The following SYT1 variants were observed in gnomAD, a reference collection of about 807,000 sequenced individuals.
SYT1 encodes synaptotagmin 1, also known as synaptotagmin-1.
SYT1 carries 8 observed loss-of-function variants against 44.8 expected under a neutral mutation model. The observed-to-expected ratio is 0.18, with a 90% CI of 0.10 to 0.32. The LOEUF (loss-of-function observed/expected upper bound fraction) is 0.32. Among genes scored for constraint, SYT1 ranks in the 10% least tolerant of loss-of-function variants. The pLI is 1.00. For synonymous variants in SYT1, 154 were observed against 188.8 expected, an observed-to-expected ratio of 0.82 and a Z score of 1.51; for missense variants, 286 against 509.3, an observed-to-expected ratio of 0.56 and a Z score of 4.22.
At chr12:79,291,265 T>G (rs1160094106) in intron 5 of SYT1, among the ~76,000 whole-genome samples, 1 of 152,204 alleles carries the variant, frequency 6.6e-6, no homozygotes, top group African/African-American at 2.4e-5. Context: ...ACAAAACGAA[T>G]TCTTATGCCA....
intron 9 of SYT1, among the ~76,000 whole-genome samples, chr12:79,366,708 A>G (rs1883557203): frequency 6.6e-6 from 1 of 152,190 alleles, no homozygotes; most frequent in African/African-American, 2.4e-5. Flanking sequence ...AAACTAGGGT[A>G]TTAGAGACAG....
chr12:79,289,372 A>G (rs1338261612), intron 5 of SYT1, among the ~76,000 whole-genome samples: 1 of 152,208 alleles, frequency 6.6e-6, no homozygotes, highest in East Asian at 1.9e-4. Flanking sequence ...TACTGATTTA[A>G]TAGGTCTGAA....
chr12:78,919,186 A>T lies in SYT1; in HGVS notation c.-217+54077A>T, dbSNP rs186918681. On this transcript the variant is annotated intron_variant, in intron 1 of 10. Transcript: ENST00000261205. ...TTTTGTAATGAAAGTCTGTGTAATT[A>T]AATTTTTTTTAAAAAAAGTTGTGAC... 4.3e-4 allele frequency among the ~76,000 whole-genome samples: 65 copies of T among 152,176 alleles called. No individual in the cohort carries two copies. In the East Asian group the frequency reaches 0.011, roughly 26 times the overall value.
chr12:79,190,999 T>C (rs1468567104), intron 3 of SYT1, among the ~76,000 whole-genome samples: 1 of 152,102 alleles, frequency 6.6e-6, no homozygotes, highest in Non-Finnish European at 1.5e-5. Flanking sequence ...AATGAGATAA[T>C]TAAAATGTGA....
intron 9 of SYT1, among the ~76,000 whole-genome samples, chr12:79,421,407 G>A (rs148937831): frequency 0.018 from 2,687 of 152,134 alleles, 46 homozygotes; most frequent in Non-Finnish European, 0.026. Flanking sequence ...CTTCTGAACT[G>A]TTTGACCATA....
chr12:78,932,386 G>A (rs1037628046), intron 1 of SYT1, among the ~76,000 whole-genome samples: 2 of 151,962 alleles, frequency 1.3e-5, no homozygotes, highest in Non-Finnish European at 2.9e-5. Flanking sequence ...ATCTTTTACT[G>A]GTTTCATAGG....
intron 9 of SYT1, among the ~76,000 whole-genome samples, chr12:79,409,918 T>C (rs1271642982): frequency 6.8e-6 from 1 of 147,376 alleles, no homozygotes; most frequent in Non-Finnish European, 1.5e-5. Flanking sequence ...CACTCTAAAC[T>C]GTTTTTTTTC....
intron 9 of SYT1, among the ~76,000 whole-genome samples, chr12:79,359,755 T>C (rs377439205): frequency 1.3e-4 from 20 of 152,182 alleles, no homozygotes; most frequent in African/African-American, 4.8e-4. Context: ...GGTTTGTCTT[T>C]TCTCTAGCTC....
At chr12:79,175,226 A>G (rs1871785732) in intron 3 of SYT1, among the ~76,000 whole-genome samples, 1 of 152,102 alleles carries the variant, frequency 6.6e-6, no homozygotes, top group Non-Finnish European at 1.5e-5. Flanking sequence ...ATGGAAAATA[A>G]CATCTGCGAC....
chr12:79,077,361 C>T (rs530773133), intron 3 of SYT1, among the ~76,000 whole-genome samples: 1 of 152,054 alleles, frequency 6.6e-6, no homozygotes, highest in East Asian at 1.9e-4. Flanking sequence ...TCACAGTAAC[C>T]ACACAGAGAT....
intron 9 of SYT1, among the ~76,000 whole-genome samples, chr12:79,404,918 T>C (rs1049589910): frequency 6.6e-6 from 1 of 152,170 alleles, no homozygotes; most frequent in Admixed American, 6.6e-5. Flanking sequence ...TGGAGGTTAA[T>C]ACATTAAGGC....
At chr12:79,274,522 C>G (rs1309654401) in intron 4 of SYT1, among the ~76,000 whole-genome samples, 1 of 152,304 alleles carries the variant, frequency 6.6e-6, no homozygotes, top group Middle Eastern at 3.4e-3. Context: ...AGGAAACTTC[C>G]TTTCAACCTC....
At position 79,050,444 on chromosome 12, in the gene SYT1, T is replaced by C. The variant is rs574828327; in HGVS notation, c.-18+3082T>C. Among the ~76,000 whole-genome samples the C allele has an allele frequency of 2.0e-5, 3 of 152,176 alleles. No individual in the cohort carries two copies. The South Asian group carries it at 6.2e-4, about 32-fold the overall frequency. ...GTGTCAACTATAGTCATCTTTCTTT[T>C]GATTGCTGAAGCTCAGTAATACTTT... On this transcript the variant is annotated intron_variant, in intron 3 of 10. Transcript: ENST00000261205.
In SYT1 at chr12:79,353,476, T is replaced by C. The variant is rs911118499; in HGVS notation, c.811-26T>C. On this transcript the variant is annotated intron_variant, in intron 8 of 10. Coordinates refer to ENST00000261205, the MANE Select transcript of SYT1 (RefSeq NM_005639.3). ...TATTTACTTGTATTTGAAAAATTGC[T>C]AATACTTTCTTATTGGTTTTCTTAG... 8 of 1,520,214 alleles carry C rather than the reference T, an allele frequency of 5.3e-6. No individual in the cohort carries two copies. The African/African-American group carries it at 8.2e-5, about 16-fold the overall frequency. The allele number at this position is 1,520,214 out of a possible 1,614,324, so 94.2% of individuals were successfully genotyped here.
At chr12:79,113,206 C>T (rs1185371484) in intron 3 of SYT1, among the ~76,000 whole-genome samples, 1 of 152,102 alleles carries the variant, frequency 6.6e-6, no homozygotes, top group Non-Finnish European at 1.5e-5. Flanking sequence ...GGTGTCAATA[C>T]TGAGTATATT....
At chr12:79,335,453 G>A (rs192198055) in intron 8 of SYT1, among the ~76,000 whole-genome samples, 127 of 149,864 alleles carry the variant, frequency 8.5e-4, no homozygotes, top group African/African-American at 2.9e-3. Context: ...ACACAGGTCC[G>A]TGTTTGAAAA....
chr12:79,052,914 G>A (rs1353173598), intron 3 of SYT1, among the ~76,000 whole-genome samples: 2 of 152,320 alleles, frequency 1.3e-5, no homozygotes, highest in East Asian at 3.9e-4. Context: ...TGGTGGGACT[G>A]TAAACTAGTT....
chr12:79,405,637 G>A (rs1885217187), intron 9 of SYT1, among the ~76,000 whole-genome samples: 1 of 152,140 alleles, frequency 6.6e-6, no homozygotes, highest in Non-Finnish European at 1.5e-5. Context: ...ACATTGGGCT[G>A]CAAGTAACAG....
intron 1 of SYT1, among the ~76,000 whole-genome samples, chr12:78,965,919 AT>A (rs1487255500): frequency 6.6e-6 from 1 of 152,042 alleles, no homozygotes; most frequent in African/African-American, 2.4e-5. Flanking sequence ...TCTACTAAAA[AT>A]ACAAAAATTA....
Sources: gnomAD v4.1 joint callset for allele counts (sites outside exome capture counted in the v4.1 genomes callset) on GRCh38, gnomAD v4.1.1 for gene constraint, MANE v1.5 for transcripts, NCBI Gene and HGNC (gene_info 2026-07-23, HGNC 2026-07-21) for gene names.